Variants in PRKCB observed in about 807,000 individuals in gnomAD.
PRKCB encodes the protein protein kinase C beta.
In PRKCB, 13 loss-of-function variants were observed where a neutral mutation model predicts 81.5. The ratio of observed to expected loss-of-function variants is 0.16; its 90% CI spans 0.10 to 0.25. PRKCB has a LOEUF of 0.25. PRKCB is among the 10% of genes least tolerant of loss of function. PRKCB has a pLI of 1.00. For synonymous variants in PRKCB, 335 were observed against 321.4 expected (o/e 1.04, Z -0.45); for missense variants, 509 against 875.7 (o/e 0.58, Z 5.29).
chr16:24,147,958 C>G (rs1254474239), intron 9 of PRKCB, among the ~76,000 whole-genome samples: 4 of 152,076 alleles, frequency 2.6e-5, no homozygotes, highest in Non-Finnish European at 4.4e-5. Flanking sequence ...AAACACTAGG[C>G]CTTTGAGTAT....
intron 15 of PRKCB, among the ~76,000 whole-genome samples, chr16:24,186,175 A>G (rs79699525): frequency 6.6e-6 from 1 of 152,116 alleles, no homozygotes; most frequent in Non-Finnish European, 1.5e-5. Context: ...ATGTGTGTTT[A>G]TGGGGAAGGA....
intron 9 of PRKCB, among the ~76,000 whole-genome samples, chr16:24,138,428 G>A (rs982726875): frequency 3.3e-5 from 5 of 152,106 alleles, no homozygotes; most frequent in African/African-American, 9.7e-5. Flanking sequence ...TATTTTCCCA[G>A]CAACCATTTA....
At chr16:24,182,414 A>G (rs899435135) in intron 13 of PRKCB, among the ~76,000 whole-genome samples, 7 of 152,076 alleles carry the variant, frequency 4.6e-5, no homozygotes, top group African/African-American at 1.7e-4. Context: ...CTGACTACTC[A>G]GGAGGCTAAG....
At chr16:23,968,539 G>A (rs1964517178) in intron 2 of PRKCB, among the ~76,000 whole-genome samples, 1 of 152,162 alleles carries the variant, frequency 6.6e-6, no homozygotes, top group Non-Finnish European at 1.5e-5. Context: ...AGGAAGAGGG[G>A]GAAGAAACAC....
At chr16:24,016,659 C>T (rs1296961840) in intron 3 of PRKCB, among the ~76,000 whole-genome samples, 1 of 151,736 alleles carries the variant, frequency 6.6e-6, no homozygotes, top group African/African-American at 2.4e-5. Context: ...ATACTTAGGC[C>T]CCAACTAAGA....
chr16:23,932,973 A>G (rs1353088549), intron 2 of PRKCB, among the ~76,000 whole-genome samples: 1 of 152,104 alleles, frequency 6.6e-6, no homozygotes, highest in Non-Finnish European at 1.5e-5. Flanking sequence ...TGCAGTTCTG[A>G]TTGAAGGGGG....
intron 2 of PRKCB, among the ~76,000 whole-genome samples, chr16:23,983,251 A>C (rs535763180): frequency 6.6e-6 from 1 of 152,296 alleles, no homozygotes; most frequent in African/African-American, 2.4e-5. Flanking sequence ...AAAGTGTTTT[A>C]GTTAATGGGA....
At chr16:23,995,972 G>A (rs897982533) in intron 3 of PRKCB, among the ~76,000 whole-genome samples, 3 of 146,836 alleles carry the variant, frequency 2.0e-5, no homozygotes, top group African/African-American at 5.0e-5. Flanking sequence ...TTCTCGGTGG[G>A]CAGAACTTTG....
intron 10 of PRKCB, among the ~76,000 whole-genome samples, chr16:24,158,050 G>A (rs923082907): frequency 2.9e-4 from 44 of 152,266 alleles, no homozygotes; most frequent in African/African-American, 1.0e-3. Flanking sequence ...GTTGTTGAGG[G>A]TCTGATGAAG....
chr16:24,165,429 A>C (rs896808946), intron 10 of PRKCB, among the ~76,000 whole-genome samples: 1 of 152,194 alleles, frequency 6.6e-6, no homozygotes, highest in African/African-American at 2.4e-5. Context: ...CCTGAACCTT[A>C]TTCATCGTTT....
intron 12 of PRKCB, among the ~76,000 whole-genome samples, chr16:24,179,632 C>T (rs1967588243): frequency 6.6e-6 from 1 of 152,218 alleles, no homozygotes. Context: ...TCAAGCTCTT[C>T]TCATCAACAC....
chr16:24,168,528 C>CTTT (rs1176737900), intron 10 of PRKCB, among the ~76,000 whole-genome samples: 4 of 73,320 alleles, frequency 5.5e-5, no homozygotes, highest in Non-Finnish European at 1.1e-4. Flanking sequence ...CATTATTTTT[C>CTTT]TTTCTTCTTC....
rs577593672 is a variant in PRKCB at position 23,966,568 on chromosome 16, A to G, written c.206-21940A>G. Among the ~76,000 whole-genome samples, 9 of 152,314 alleles carry G rather than the reference A, an allele frequency of 5.9e-5. No individual in the cohort carries two copies. In the South Asian group the frequency reaches 1.9e-3, roughly 32 times the overall value. On this transcript the variant is annotated intron_variant, in intron 2 of 16. Coordinates refer to ENST00000643927, the MANE Select transcript of PRKCB (RefSeq NM_002738.7). ...TTATTATTATTATCCCTTCGAATCT[A>G]AAATCCCTCTAGTTTGTTTCAGAGG...
intron 3 of PRKCB, among the ~76,000 whole-genome samples, chr16:24,020,338 A>ATCCCC (rs1965342109): frequency 6.6e-6 from 1 of 152,246 alleles, no homozygotes; most frequent in African/African-American, 2.4e-5. Flanking sequence ...TCAAGTAAAT[A>ATCCCC]TTATGTTGGT....
At chr16:24,107,427 A>G (rs186444866) in intron 7 of PRKCB, among the ~76,000 whole-genome samples, 2 of 152,266 alleles carry the variant, frequency 1.3e-5, no homozygotes, top group African/African-American at 4.8e-5. Flanking sequence ...ATAAAGGGAG[A>G]CAGGAGTCTT....
intron 7 of PRKCB, among the ~76,000 whole-genome samples, chr16:24,106,628 G>C (rs1341158850): frequency 6.6e-6 from 1 of 151,886 alleles, no homozygotes; most frequent in African/African-American, 2.4e-5. Flanking sequence ...ATTATTAAAG[G>C]GTTTGCCAAA....
intron 3 of PRKCB, among the ~76,000 whole-genome samples, chr16:24,000,992 T>G (rs938055423): frequency 1.3e-4 from 4 of 30,594 alleles, no homozygotes; most frequent in African/African-American, 2.9e-4. Flanking sequence ...TAAAGCGGTT[T>G]TTTTTTTTTT....
At chr16:24,140,589 T>A (rs1266763749) in intron 9 of PRKCB, among the ~76,000 whole-genome samples, 1 of 152,102 alleles carries the variant, frequency 6.6e-6, no homozygotes, top group East Asian at 1.9e-4. Flanking sequence ...AAAATGGTCC[T>A]TATGCTCTGT....
At chr16:24,131,848 C>T (rs1405771063) in intron 9 of PRKCB, among the ~76,000 whole-genome samples, 1 of 152,146 alleles carries the variant, frequency 6.6e-6, no homozygotes, top group African/African-American at 2.4e-5. Flanking sequence ...TAAAATCTTA[C>T]ACTTACACAA....
Sources: allele counts gnomAD v4.1 joint callset (sites outside exome capture counted in the v4.1 genomes callset), GRCh38; gene constraint gnomAD v4.1.1; transcripts MANE v1.5; gene names NCBI Gene and HGNC (gene_info 2026-07-23, HGNC 2026-07-21).